The following PPP3R1 variants were observed in gnomAD, a reference collection of about 807,000 sequenced individuals.
PPP3R1 encodes the protein calcineurin subunit B type 1.
A neutral mutation model predicts 22.6 loss-of-function variants in PPP3R1; 5 were observed. The observed-to-expected ratio is 0.22, with a 90% CI of 0.12 to 0.46. The LOEUF (loss-of-function observed/expected upper bound fraction) is 0.46, where lower values mean the gene tolerates loss of function less well. Among genes scored for constraint, PPP3R1 ranks in the 20% least tolerant of loss-of-function variants. The pLI, the probability that PPP3R1 is intolerant of heterozygous loss-of-function variation, is 0.99. For missense variants in PPP3R1, 61 were observed against 203.2 expected (o/e 0.30, Z 4.25); for synonymous variants, 56 against 65.2 (o/e 0.86, Z 0.68).
chr2:68,212,057 C>A (rs1408201857), intron 2 of PPP3R1, among the ~76,000 whole-genome samples: 2 of 152,150 alleles, frequency 1.3e-5, no homozygotes, highest in African/African-American at 2.4e-5. Context: ...AATGGCAAAT[C>A]TATAATAGTG....
intron 2 of PPP3R1, among the ~76,000 whole-genome samples, chr2:68,215,083 G>C (rs1428965165): frequency 1.3e-5 from 2 of 151,904 alleles, no homozygotes; most frequent in Non-Finnish European, 2.9e-5. Flanking sequence ...TAAACAACAA[G>C]AACACATGGA....
rs1156357628 is a variant in PPP3R1 at position 68,186,555 on chromosome 2, A to G, written c.378T>C (p.Asp126=). 4 of 1,612,666 alleles carry G rather than the reference A, an allele frequency of 2.5e-6. No individual in the cohort carries two copies. The South Asian group carries it at 3.3e-5, about 13-fold the overall frequency. Residue 126 remains aspartate (D), a synonymous_variant, in exon 5 of 6, where the codon GAT becomes GAC. Coordinates refer to ENST00000234310, the MANE Select transcript of PPP3R1 (RefSeq NM_000945.4). ...LKMMVGNNLK[D]TQLQQIVDKT... is the part of the protein sequence containing the mutation. ...TGTCTACAATTTGCTGTAACTGTGT[A>G]TCTTTCAGATTGTTCCCCACCATCA...
intron 1 of PPP3R1, among the ~76,000 whole-genome samples, chr2:68,221,943 G>A (rs918524965): frequency 1.3e-5 from 2 of 151,280 alleles, no homozygotes; most frequent in African/African-American, 2.4e-5. Context: ...GGAAAGATTA[G>A]GCTTCAATAT....
intron 1 of PPP3R1, among the ~76,000 whole-genome samples, chr2:68,249,538 A>C (rs1670298310): frequency 6.6e-6 from 1 of 152,212 alleles, no homozygotes. Flanking sequence ...TGTTCATTTA[A>C]GTATCCAGAA....
At chr2:68,199,173 A>T (rs1674903644) in intron 2 of PPP3R1, among the ~76,000 whole-genome samples, 1 of 152,154 alleles carries the variant, frequency 6.6e-6, no homozygotes, top group Non-Finnish European at 1.5e-5. Context: ...CATGTTGGCC[A>T]GGATGGTCTT....
chr2:68,204,168 GTTAGAACTAAGGCTTCCACTTTGAGCAAA>G (rs541930509), intron 2 of PPP3R1, among the ~76,000 whole-genome samples: 16 of 152,154 alleles, frequency 1.1e-4, no homozygotes, highest in East Asian at 7.7e-4. Context: ...ATCATGCCAA[GTTAGAACTAAGGCTTCCACTTTGAGCAAA>G]TCACCTCAAC....
intron 4 of PPP3R1, 24 bp downstream of exon 4, chr2:68,187,231 A>C: frequency 6.4e-7 from 1 of 1,557,282 alleles, no homozygotes; most frequent in Non-Finnish European, 8.8e-7. Flanking sequence ...TAAGAGAATG[A>C]AGTCAGTGAA....
chr2:68,248,643 G>A (rs1670281800), intron 1 of PPP3R1, among the ~76,000 whole-genome samples: 1 of 152,128 alleles, frequency 6.6e-6, no homozygotes, highest in South Asian at 2.1e-4. Context: ...GTTGGTTCGG[G>A]AACCATCAGT....
intron 5 of PPP3R1, among the ~76,000 whole-genome samples, chr2:68,181,361 C>T (rs1261924959): frequency 3.3e-5 from 5 of 149,674 alleles, no homozygotes; most frequent in African/African-American, 1.2e-4. Flanking sequence ...CCACTGCACT[C>T]CAGACTGGGC....
intron 1 of PPP3R1, among the ~76,000 whole-genome samples, chr2:68,227,908 T>C (rs569490114): frequency 6.6e-6 from 1 of 152,302 alleles, no homozygotes; most frequent in East Asian, 1.9e-4. Context: ...AGTCATACCA[T>C]CTGCAAACGG....
chr2:68,212,713 G>A (rs982928820), intron 2 of PPP3R1, among the ~76,000 whole-genome samples: 10 of 152,178 alleles, frequency 6.6e-5, no homozygotes, highest in African/African-American at 2.4e-4. Context: ...TGCCATTTAG[G>A]CTTTGTTGTT....
intron 1 of PPP3R1, among the ~76,000 whole-genome samples, chr2:68,227,917 G>A (rs1198064721): frequency 2.0e-5 from 3 of 152,004 alleles, no homozygotes; most frequent in East Asian, 1.9e-4. Context: ...ATCTGCAAAC[G>A]GGATCCGTTT....
intron 2 of PPP3R1, among the ~76,000 whole-genome samples, chr2:68,198,513 A>G (rs1202743432): frequency 1.3e-5 from 1 of 79,582 alleles, no homozygotes; most frequent in African/African-American, 4.9e-5. Context: ...GTGTATACAT[A>G]TATGAATGAA....
intron 2 of PPP3R1, among the ~76,000 whole-genome samples, chr2:68,212,428 T>C (rs558469465): frequency 6.6e-6 from 1 of 152,360 alleles, no homozygotes; most frequent in Non-Finnish European, 1.5e-5. Flanking sequence ...ATCAGAGGAA[T>C]GACTATCAAA....
chr2:68,235,421 A>G (rs893377599), intron 1 of PPP3R1, among the ~76,000 whole-genome samples: 22 of 152,182 alleles, frequency 1.4e-4, no homozygotes, highest in African/African-American at 4.3e-4. Context: ...CTGGCTCTAC[A>G]TATTTGCCTA....
chr2:68,192,731 C>T (rs1484730856), intron 2 of PPP3R1, among the ~76,000 whole-genome samples: 2 of 152,126 alleles, frequency 1.3e-5, no homozygotes, highest in African/African-American at 4.8e-5. Flanking sequence ...GCAAATTCAG[C>T]CAAACGGCTA....
At chr2:68,239,080 T>C (rs1013240942) in intron 1 of PPP3R1, among the ~76,000 whole-genome samples, 5 of 152,196 alleles carry the variant, frequency 3.3e-5, no homozygotes, top group African/African-American at 1.2e-4. Context: ...GAAGCAAAGT[T>C]ATTAAAACAA....
At position 68,178,995 on chromosome 2, in the gene PPP3R1, T is replaced by TAAAAAAAAC. The variant is rs1674345206; in HGVS notation, c.*1967_*1968insGTTTTTTTT. 1.1e-5 allele frequency: 1 copy of TAAAAAAAAC among 93,752 alleles called. No individual in the cohort carries two copies. The highest frequency in any genetic ancestry group is 4.4e-3 in the Middle Eastern group (1 of 228). The allele number at this position is 93,752 out of a possible 1,614,324, so 5.8% of individuals were successfully genotyped here. On this transcript the variant is annotated 3_prime_UTR_variant, in exon 6 of 6. Transcript: ENST00000234310. ...CCCTTACCCACCCCCACACACAAAC[T>TAAAAAAAAC]AAAAAAAAAAAAAAAAAAAAAGAAA...
intron 1 of PPP3R1, among the ~76,000 whole-genome samples, chr2:68,232,124 T>TATAC (rs1553408863): frequency 2.0e-5 from 2 of 97,990 alleles, no homozygotes; most frequent in African/African-American, 8.3e-5. Flanking sequence ...TATATATATA[T>TATAC]ACACACACAC....
Sources: allele counts gnomAD v4.1 joint callset (sites outside exome capture counted in the v4.1 genomes callset), GRCh38; gene constraint gnomAD v4.1.1; transcripts MANE v1.5; gene names NCBI Gene and HGNC (gene_info 2026-07-23, HGNC 2026-07-21).